The following GRIK1 variants were observed in gnomAD, a reference collection of about 807,000 sequenced individuals.
GRIK1 encodes the protein glutamate receptor ionotropic, kainate 1.
Under a neutral mutation model 105.7 loss-of-function variants are expected in GRIK1, and 69 were observed. The observed-to-expected ratio is 0.65, with a 90% CI of 0.54 to 0.80. GRIK1 has a LOEUF of 0.80. GRIK1 is among the 30% of genes least tolerant of loss of function. The probability of loss-of-function intolerance (pLI) is 0.00; values close to 1 mark genes in which losing one functional copy is unlikely to be tolerated. For missense variants in GRIK1, 1,109 were observed against 1,167.3 expected (o/e 0.95, Z 0.73); for synonymous variants, 438 against 431.3 (o/e 1.02, Z -0.19).
chr21:29,641,797 C>A (rs947484845), intron 7 of GRIK1, among the ~76,000 whole-genome samples: 1 of 152,154 alleles, frequency 6.6e-6, no homozygotes, highest in African/African-American at 2.4e-5. Context: ...TCCTCACCCT[C>A]ATGGATCAGA....
At chr21:29,779,388 A>T (rs1198936944) in intron 1 of GRIK1, among the ~76,000 whole-genome samples, 1 of 148,754 alleles carries the variant, frequency 6.7e-6, no homozygotes, top group Non-Finnish European at 1.5e-5. Context: ...ATGTGTTTGG[A>T]GGCTTATGTG....
intron 7 of GRIK1, among the ~76,000 whole-genome samples, chr21:29,620,803 A>G (rs2061976370): frequency 9.8e-6 from 1 of 102,520 alleles, no homozygotes. Flanking sequence ...CTATATATAT[A>G]TAGATATATA....
At chr21:29,803,757 C>T (rs1165023061) in intron 1 of GRIK1, among the ~76,000 whole-genome samples, 1 of 151,940 alleles carries the variant, frequency 6.6e-6, no homozygotes, top group East Asian at 1.9e-4. Context: ...TTTTTTTTCC[C>T]AGCTAAGATG....
chr21:29,684,038 A>T (rs369050092), intron 3 of GRIK1, among the ~76,000 whole-genome samples: 1 of 152,226 alleles, frequency 6.6e-6, no homozygotes, highest in East Asian at 1.9e-4. Context: ...TGTATACCTC[A>T]TCTCTACTGT....
chr21:29,902,620 A>T lies in GRIK1; in HGVS notation c.118+36763T>A, dbSNP rs753009436. On this transcript the variant is annotated intron_variant, in intron 1 of 17. Coordinates refer to ENST00000327783, the MANE Select transcript of GRIK1 (RefSeq NM_001330994.2). Reference sequence around the variant, plus strand: ...AGGACCTCTTCAAGGAGAACTACAAACCACTACTGAAGTAAATAAGAGAGG... The same window carrying T: ...AGGACCTCTTCAAGGAGAACTACAATCCACTACTGAAGTAAATAAGAGAGG... Among the ~76,000 whole-genome samples the T allele has an allele frequency of 3.6e-4, 55 of 152,208 alleles. 1 individual carries two copies. Among genetic ancestry groups the T allele is most frequent in the Non-Finnish European group, 2.2e-4 (15 of 68,028 alleles).
At position 29,693,854 on chromosome 21, in the gene GRIK1, C is replaced by T. The variant is rs770453626; in HGVS notation, c.286+42G>A. 2.6e-5 allele frequency: 38 copies of T among 1,455,378 alleles called. No homozygotes were observed. In the Admixed American group the frequency reaches 6.4e-4, roughly 25 times the overall value. 90.2% of individuals were successfully genotyped at this position (1,455,378 alleles called of 1,614,324 possible). Reference sequence around the variant, plus strand: ...AAAAGAAGGTGACTTGGAGAGCAGACATATCACCCAAAGAAGCTTTTAAAA... The same window carrying T: ...AAAAGAAGGTGACTTGGAGAGCAGATATATCACCCAAAGAAGCTTTTAAAA... On this transcript the variant is annotated intron_variant, in intron 2 of 17. Transcript: ENST00000327783.
At chr21:29,726,980 A>T (rs1181511666) in intron 1 of GRIK1, among the ~76,000 whole-genome samples, 1 of 152,000 alleles carries the variant, frequency 6.6e-6, no homozygotes, top group Admixed American at 6.6e-5. Context: ...CCCAGGTTGC[A>T]GTGCAGTGGT....
At chr21:29,773,509 T>C (rs545962561) in intron 1 of GRIK1, among the ~76,000 whole-genome samples, 3 of 151,982 alleles carry the variant, frequency 2.0e-5, no homozygotes, top group Non-Finnish European at 2.9e-5. Flanking sequence ...CAAGGCAGAG[T>C]CGTGAAATGT....
At chr21:29,875,665 C>T (rs2069167009) in intron 1 of GRIK1, among the ~76,000 whole-genome samples, 1 of 152,100 alleles carries the variant, frequency 6.6e-6, no homozygotes, top group Non-Finnish European at 1.5e-5. Context: ...ACCCAAATAC[C>T]ATACTGAGCC....
chr21:29,551,665 C>A (rs1339687440), intron 16 of GRIK1, among the ~76,000 whole-genome samples: 3 of 152,080 alleles, frequency 2.0e-5, no homozygotes, highest in African/African-American at 7.2e-5. Flanking sequence ...ATTTCTTTAT[C>A]CAAATCTCTG....
At chr21:29,844,269 C>G (rs147868195) in intron 1 of GRIK1, among the ~76,000 whole-genome samples, 115 of 152,214 alleles carry the variant, frequency 7.6e-4, no homozygotes, top group African/African-American at 2.7e-3. Context: ...TATATTCCTG[C>G]AGTTCTTAGA....
intron 4 of GRIK1, among the ~76,000 whole-genome samples, chr21:29,662,334 T>C (rs2062981304): frequency 6.6e-6 from 1 of 152,222 alleles, no homozygotes; most frequent in Non-Finnish European, 1.5e-5. Context: ...ATAGGCAATC[T>C]GGTAAACAGG....
At chr21:29,558,398 A>ACACACACACACACACCCACACACC (rs1568809323) in intron 15 of GRIK1, among the ~76,000 whole-genome samples, 1 of 147,322 alleles carries the variant, frequency 6.8e-6, no homozygotes, top group African/African-American at 2.7e-5. Context: ...ACACACACAC[A>ACACACACACACACACCCACACACC]TATCTTCCTG....
intron 1 of GRIK1, among the ~76,000 whole-genome samples, chr21:29,736,006 GC>G (rs2064782092): frequency 6.6e-6 from 1 of 151,994 alleles, no homozygotes; most frequent in African/African-American, 2.4e-5. Flanking sequence ...TTTTTCCCTA[GC>G]ACGACCCCAA....
At chr21:29,805,958 A>T (rs1284369406) in intron 1 of GRIK1, among the ~76,000 whole-genome samples, 1 of 152,174 alleles carries the variant, frequency 6.6e-6, no homozygotes, top group Admixed American at 6.6e-5. Context: ...TTGTGTTGCC[A>T]TATAAGAAAC....
chr21:29,558,319 A>G (rs2090306992), intron 15 of GRIK1, among the ~76,000 whole-genome samples: 1 of 151,352 alleles, frequency 6.6e-6, no homozygotes, highest in Non-Finnish European at 1.5e-5. Context: ...GAAGTAAATG[A>G]CATTGGAAGT....
intron 1 of GRIK1, among the ~76,000 whole-genome samples, chr21:29,739,962 ACACATG>A (rs1256558428): frequency 2.6e-5 from 4 of 152,356 alleles, no homozygotes; most frequent in Non-Finnish European, 5.9e-5. Flanking sequence ...GTTGTGCAAC[ACACATG>A]CACATGCACA....
At chr21:29,930,814 T>C (rs185892238) in intron 1 of GRIK1, among the ~76,000 whole-genome samples, 23 of 152,268 alleles carry the variant, frequency 1.5e-4, no homozygotes, top group Admixed American at 1.4e-3. Context: ...TTTTTCAACA[T>C]TAAATATTGT....
intron 1 of GRIK1, among the ~76,000 whole-genome samples, chr21:29,900,216 T>G (rs1222317782): frequency 1.3e-5 from 2 of 151,932 alleles, no homozygotes; most frequent in Non-Finnish European, 2.9e-5. Flanking sequence ...ATGAAGAAAC[T>G]GCATCAATTA....
Sources: allele counts gnomAD v4.1 joint callset (sites outside exome capture counted in the v4.1 genomes callset), GRCh38; gene constraint gnomAD v4.1.1; transcripts MANE v1.5; gene names NCBI Gene and HGNC (gene_info 2026-07-23, HGNC 2026-07-21).